TUSC3: variants seen among roughly 807,000 people sequenced by gnomAD.
The protein encoded by TUSC3 is dolichyl-diphosphooligosaccharide--protein glycosyltransferase subunit TUSC3.
In TUSC3, 45 loss-of-function variants were observed where a neutral mutation model predicts 44.8. The observed-to-expected ratio is 1.00, with a 90% CI of 0.79 to 1.29. The LOEUF (loss-of-function observed/expected upper bound fraction) is 1.29, where lower values mean the gene tolerates loss of function less well. Among genes scored for constraint, TUSC3 ranks in the 50% most tolerant of loss-of-function variants. The pLI is 0.00. For missense variants in TUSC3, 519 were observed against 437.9 expected (o/e 1.19, Z -1.65); for synonymous variants, 212 against 152.9 (o/e 1.39, Z -2.85).
chr8:15,816,876 G>C, the TUSC3 span, among the ~76,000 whole-genome samples: 5 of 152,156 alleles, frequency 3.3e-5, no homozygotes, highest in Admixed American at 6.5e-5. Context: ...ATAGCGCCTA[G>C]CAGAACCAGC....
intron 2 of TUSC3, among the ~76,000 whole-genome samples, chr8:15,635,438 T>G (rs1343320432): frequency 6.6e-6 from 1 of 152,200 alleles, no homozygotes; most frequent in Non-Finnish European, 1.5e-5. Context: ...GCTGAATGCC[T>G]TACCTATTGG....
the TUSC3 span, among the ~76,000 whole-genome samples, chr8:15,775,561 G>A: frequency 6.6e-6 from 1 of 151,342 alleles, no homozygotes; most frequent in South Asian, 2.1e-4. Context: ...CTCTTATCCG[G>A]ACTTCAGTGT....
At chr8:15,709,515 C>T (rs1306270295) in intron 6 of TUSC3, among the ~76,000 whole-genome samples, 1 of 151,742 alleles carries the variant, frequency 6.6e-6, no homozygotes, top group Non-Finnish European at 1.5e-5. Context: ...TCATTATTCC[C>T]AGCCAGAATT....
chr8:15,469,325 A>G (rs184085922), intron 1 of TUSC3, among the ~76,000 whole-genome samples: 1 of 152,252 alleles, frequency 6.6e-6, no homozygotes, highest in African/African-American at 2.4e-5. Flanking sequence ...TAAGAAATCA[A>G]ATCCATTAAA....
chr8:15,509,185 G>C (rs1801099513), intron 2 of TUSC3, among the ~76,000 whole-genome samples: 1 of 152,194 alleles, frequency 6.6e-6, no homozygotes, highest in Non-Finnish European at 1.5e-5. Context: ...TCCAACAACA[G>C]AGTACAGAAG....
chr8:15,822,337 G>A, the TUSC3 span, among the ~76,000 whole-genome samples: 1 of 152,122 alleles, frequency 6.6e-6, no homozygotes, highest in Non-Finnish European at 1.5e-5. Context: ...AAAAAATAGA[G>A]TTTGCACTTT....
At chr8:15,654,042 C>G (rs762413060) in intron 3 of TUSC3, among the ~76,000 whole-genome samples, 2 of 152,132 alleles carry the variant, frequency 1.3e-5, no homozygotes, top group Non-Finnish European at 2.9e-5. Flanking sequence ...ATCCAGGAAA[C>G]AGGTCTATGT....
At chr8:15,755,612 G>A (rs2129222133) in intron 9 of TUSC3, among the ~76,000 whole-genome samples, 1 of 151,876 alleles carries the variant, frequency 6.6e-6, no homozygotes, top group Admixed American at 6.6e-5. Context: ...ATAAACAACA[G>A]TTTATAATTC....
At chr8:15,799,167 A>C in the TUSC3 span, among the ~76,000 whole-genome samples, 1 of 152,116 alleles carries the variant, frequency 6.6e-6, no homozygotes, top group Non-Finnish European at 1.5e-5. Context: ...GGGTTGTCTT[A>C]AGTGGATCCA....
intron 1 of TUSC3, among the ~76,000 whole-genome samples, chr8:15,543,396 A>G (rs1044568391): frequency 6.6e-6 from 1 of 152,198 alleles, no homozygotes; most frequent in Non-Finnish European, 1.5e-5. Flanking sequence ...TAGTTATGAC[A>G]GTAATACCAC....
chr8:15,545,024 A>C (rs769529378), intron 1 of TUSC3, among the ~76,000 whole-genome samples: 5 of 151,822 alleles, frequency 3.3e-5, no homozygotes, highest in Non-Finnish European at 7.4e-5. Context: ...TACATGTTAC[A>C]TACGTATTAT....
At chr8:15,607,678 T>G (rs776816981) in intron 1 of TUSC3, among the ~76,000 whole-genome samples, 1 of 152,176 alleles carries the variant, frequency 6.6e-6, no homozygotes, top group African/African-American at 2.4e-5. Flanking sequence ...CTCCATCTTA[T>G]GTATCAGCAA....
intron 6 of TUSC3, among the ~76,000 whole-genome samples, chr8:15,686,665 A>G (rs1234060742): frequency 6.6e-6 from 1 of 152,078 alleles, no homozygotes; most frequent in Non-Finnish European, 1.5e-5. Context: ...ATTAAATATA[A>G]TTATTATATT....
At chr8:15,648,883 G>C (rs1261208027) in intron 2 of TUSC3, among the ~76,000 whole-genome samples, 1 of 151,822 alleles carries the variant, frequency 6.6e-6, no homozygotes, top group Non-Finnish European at 1.5e-5. Flanking sequence ...AGAGCCCTTT[G>C]TGTTACCGTG....
rs184135406 is a variant in TUSC3, at chr8:15,440,981, G to A, written n.91+23676G>A. ...GCGGGTTCATAGATGTAGAGGTGCT[G>A]GAGGCAAGTACTATTTCTGGAATTG... On this transcript the variant is annotated intron_variant and non_coding_transcript_variant, in intron 1 of 5. Coordinates refer to the TUSC3 transcript ENST00000503191. 8.5e-5 allele frequency among the ~76,000 whole-genome samples: 13 copies of A among 152,276 alleles called. No homozygotes were observed. The East Asian group carries it at 2.5e-3, about 29-fold the overall frequency.
chr8:15,651,392 T>G (rs11782230), intron 3 of TUSC3, among the ~76,000 whole-genome samples: 33,768 of 152,156 alleles, frequency 0.22, 4,499 homozygotes, highest in Non-Finnish European at 0.31. Context: ...GTATTTTCTC[T>G]CTGTTTATGG....
intron 1 of TUSC3, among the ~76,000 whole-genome samples, chr8:15,422,727 C>T (rs907253683): frequency 6.6e-6 from 1 of 152,102 alleles, no homozygotes; most frequent in Non-Finnish European, 1.5e-5. Flanking sequence ...TCAAAGGTCA[C>T]TGTAGCTTCA....
At chr8:15,839,598 T>G in the TUSC3 span, among the ~76,000 whole-genome samples, 3 of 152,240 alleles carry the variant, frequency 2.0e-5, no homozygotes, top group African/African-American at 7.2e-5. Context: ...AAAAAAGACA[T>G]TTATGCAGCC....
chr8:15,464,619 T>G (rs1349021275), intron 1 of TUSC3, among the ~76,000 whole-genome samples: 1 of 152,236 alleles, frequency 6.6e-6, no homozygotes, highest in East Asian at 1.9e-4. Context: ...AACTTTAAGT[T>G]ACCTCAGTAT....
Sources: allele counts gnomAD v4.1 joint callset (sites outside exome capture counted in the v4.1 genomes callset), GRCh38; gene constraint gnomAD v4.1.1; transcripts MANE v1.5; gene names NCBI Gene and HGNC (gene_info 2026-07-23, HGNC 2026-07-21).